The following EPHA6 variants were observed in gnomAD, a reference collection of about 807,000 sequenced individuals.
EPHA6 encodes ephrin type-A receptor 6.
Under a neutral mutation model 112.0 loss-of-function variants are expected in EPHA6, and 50 were observed. The ratio of observed to expected loss-of-function variants is 0.45; its 90% CI spans 0.36 to 0.56. The LOEUF is 0.56. Among genes scored for constraint, EPHA6 ranks in the 20% least tolerant of loss-of-function variants. The pLI is 0.00. For synonymous variants in EPHA6, 529 were observed against 490.7 expected, an observed-to-expected ratio of 1.08 and a Z score of -1.03; for missense variants, 1,280 against 1,417.4, an observed-to-expected ratio of 0.90 and a Z score of 1.56.
chr3:97,629,253 T>C (rs2093883806), intron 13 of EPHA6, among the ~76,000 whole-genome samples: 1 of 151,970 alleles, frequency 6.6e-6, no homozygotes, highest in Admixed American at 6.6e-5. Context: ...ATAAAAACTA[T>C]AGTTGAAACA....
At chr3:97,305,309 C>A (rs2081270436) in intron 5 of EPHA6, among the ~76,000 whole-genome samples, 1 of 150,972 alleles carries the variant, frequency 6.6e-6, no homozygotes, top group South Asian at 2.1e-4. Context: ...ACTATTGTGG[C>A]AATTCCTCAA....
At chr3:96,984,463 A>T (rs1218731332) in intron 2 of EPHA6, among the ~76,000 whole-genome samples, 1 of 152,094 alleles carries the variant, frequency 6.6e-6, no homozygotes, top group African/African-American at 2.4e-5. Context: ...GTCTGCCCCT[A>T]CTGGGGGGTG....
At chr3:97,211,035 G>C (rs2077859190) in intron 3 of EPHA6, among the ~76,000 whole-genome samples, 2 of 152,186 alleles carry the variant, frequency 1.3e-5, no homozygotes, top group African/African-American at 4.8e-5. Context: ...TAAGCATCCT[G>C]AAGAATCAGA....
chr3:97,116,189 G>A (rs530860925), intron 3 of EPHA6, among the ~76,000 whole-genome samples: 5 of 151,700 alleles, frequency 3.3e-5, no homozygotes, highest in East Asian at 1.9e-4. Context: ...TTAGAGTATC[G>A]TGATCTTTGT....
chr3:97,312,099 A>G (rs2081590474), intron 5 of EPHA6, among the ~76,000 whole-genome samples: 1 of 151,780 alleles, frequency 6.6e-6, no homozygotes. Context: ...TTGCTAGCAT[A>G]TAGAAATACA....
chr3:97,289,444 GT>G (rs2108682365), intron 5 of EPHA6, among the ~76,000 whole-genome samples: 1 of 152,192 alleles, frequency 6.6e-6, no homozygotes, highest in African/African-American at 2.4e-5. Flanking sequence ...CTTTGTGTCT[GT>G]TTTTGTACCA....
At chr3:96,863,914 CAGAAATCTTTGATGAGAAAATT>C (rs1298457537) in intron 1 of EPHA6, among the ~76,000 whole-genome samples, 1 of 151,918 alleles carries the variant, frequency 6.6e-6, no homozygotes, top group Non-Finnish European at 1.5e-5. Flanking sequence ...GAATTTTCTG[CAGAAATCTTTGATGAGAAAATT>C]AGAATAAAAC....
chr3:97,405,105 A>G, intron 5 of EPHA6, 45 bp from the exon 6 acceptor site: 1 of 1,546,272 alleles, frequency 6.5e-7, no homozygotes, highest in Non-Finnish European at 8.7e-7. Flanking sequence ...GATAATGGAA[A>G]ATGATTCCTG....
chr3:96,955,317 T>C (rs2041714996), intron 2 of EPHA6, among the ~76,000 whole-genome samples: 1 of 152,212 alleles, frequency 6.6e-6, no homozygotes, highest in Non-Finnish European at 1.5e-5. Context: ...ATATCTCTTT[T>C]CATTTATTTG....
intron 5 of EPHA6, among the ~76,000 whole-genome samples, chr3:97,378,082 G>A (rs1258032039): frequency 6.6e-6 from 1 of 152,156 alleles, no homozygotes; most frequent in East Asian, 1.9e-4. Flanking sequence ...CACAGACTTG[G>A]AGATCTAGAA....
chr3:97,425,121 G>T (rs958637600), intron 6 of EPHA6, among the ~76,000 whole-genome samples: 1 of 152,176 alleles, frequency 6.6e-6, no homozygotes, highest in Non-Finnish European at 1.5e-5. Flanking sequence ...TTGAGTGTGT[G>T]TGACTTTTCC....
intron 1 of EPHA6, among the ~76,000 whole-genome samples, chr3:96,828,605 G>A (rs1010356261): frequency 3.9e-5 from 6 of 152,080 alleles, no homozygotes; most frequent in Non-Finnish European, 2.9e-5. Flanking sequence ...AATAAACCCC[G>A]GAATCAGATA....
At chr3:97,517,925 C>T (rs2092473002) in intron 10 of EPHA6, among the ~76,000 whole-genome samples, 1 of 152,130 alleles carries the variant, frequency 6.6e-6, no homozygotes, top group African/African-American at 2.4e-5. Context: ...AACAGAATTT[C>T]CTTTTTCTTA....
intron 3 of EPHA6, among the ~76,000 whole-genome samples, chr3:97,139,317 A>T (rs193255675): frequency 7.9e-5 from 12 of 152,298 alleles, no homozygotes; most frequent in African/African-American, 2.6e-4. Context: ...GCCAGCCTGC[A>T]CATACCATTA....
chr3:96,851,879 G>A (rs939245268), intron 1 of EPHA6, among the ~76,000 whole-genome samples: 9 of 152,288 alleles, frequency 5.9e-5, no homozygotes, highest in Middle Eastern at 3.4e-3. Flanking sequence ...TTGCAGGGAC[G>A]CAGAAGCGTC....
At chr3:97,001,856 G>GA (rs1576297115) in intron 3 of EPHA6, among the ~76,000 whole-genome samples, 1 of 151,916 alleles carries the variant, frequency 6.6e-6, no homozygotes, top group African/African-American at 2.4e-5. Flanking sequence ...GCAATGGACA[G>GA]AAAAAAGCAT....
intron 2 of EPHA6, among the ~76,000 whole-genome samples, chr3:96,898,916 T>A (rs904641975): frequency 2.0e-5 from 3 of 151,266 alleles, no homozygotes; most frequent in Admixed American, 2.0e-4. Flanking sequence ...TAGTCCCAGC[T>A]ACACGGGAGG....
intron 3 of EPHA6, among the ~76,000 whole-genome samples, chr3:97,074,181 A>C (rs751030276): frequency 6.6e-6 from 1 of 151,960 alleles, no homozygotes; most frequent in Admixed American, 6.6e-5. Context: ...TGGGCATTTA[A>C]ATTGTTTCAT....
intron 5 of EPHA6, among the ~76,000 whole-genome samples, chr3:97,381,152 C>T (rs1293665513): frequency 1.3e-5 from 2 of 151,910 alleles, no homozygotes; most frequent in Admixed American, 1.3e-4. Context: ...AAACAAAGCA[C>T]ATTTTAATGA....
Sources: gnomAD v4.1 joint callset for allele counts (sites outside exome capture counted in the v4.1 genomes callset) on GRCh38, gnomAD v4.1.1 for gene constraint, MANE v1.5 for transcripts, NCBI Gene and HGNC (gene_info 2026-07-23, HGNC 2026-07-21) for gene names.